The following TC2N variants were observed in gnomAD, a reference collection of about 807,000 sequenced individuals.
The protein encoded by TC2N is tandem C2 domains nuclear protein.
Under a neutral mutation model 61.9 loss-of-function variants are expected in TC2N, and 51 were observed. That is an observed-to-expected ratio of 0.82 (90% CI 0.66 to 1.04). The LOEUF is 1.04. Ranked by LOEUF, TC2N falls within the 50% of genes least tolerant of loss-of-function variation. TC2N has a pLI of 0.00. For missense variants in TC2N, 556 were observed against 566.7 expected, an observed-to-expected ratio of 0.98 and a Z score of 0.19; for synonymous variants, 204 against 192.6, an observed-to-expected ratio of 1.06 and a Z score of -0.49.
chr14:91,857,493 T>C (rs772508122), intron 1 of TC2N, among the ~76,000 whole-genome samples: 2 of 152,222 alleles, frequency 1.3e-5, no homozygotes, highest in Non-Finnish European at 2.9e-5. Context: ...GGGCACCTGC[T>C]GCTTTCTCAG....
At chr14:91,790,379 C>T (rs1885588478) in intron 9 of TC2N, among the ~76,000 whole-genome samples, 1 of 152,066 alleles carries the variant, frequency 6.6e-6, no homozygotes, top group Non-Finnish European at 1.5e-5. Context: ...TATTTATTTT[C>T]CTCTTCAACA....
intron 1 of TC2N, among the ~76,000 whole-genome samples, chr14:91,841,192 A>G (rs941254961): frequency 2.6e-5 from 4 of 152,216 alleles, no homozygotes; most frequent in African/African-American, 9.6e-5. Flanking sequence ...AGAGGATGAC[A>G]GCACATGAAA....
chr14:91,847,068 G>A (rs139221987), intron 1 of TC2N, among the ~76,000 whole-genome samples: 313 of 152,254 alleles, frequency 2.1e-3, no homozygotes, highest in Non-Finnish European at 3.6e-3. Flanking sequence ...GACCAGCCTG[G>A]CCAACGTGGT....
chr14:91,805,423 C>T (rs952675625), intron 3 of TC2N, among the ~76,000 whole-genome samples: 3 of 152,240 alleles, frequency 2.0e-5, no homozygotes, highest in Non-Finnish European at 2.9e-5. Flanking sequence ...AATCCCAGCA[C>T]TTTGAAAGGG....
chr14:91,847,417 T>G (rs1357259835), intron 1 of TC2N, among the ~76,000 whole-genome samples: 2 of 152,218 alleles, frequency 1.3e-5, no homozygotes, highest in South Asian at 4.1e-4. Context: ...TTGGAAATGA[T>G]GCTATGTGAT....
Position 91,851,197 on chromosome 14 carries a change from G to A in TC2N, c.-57+16065C>T, listed in dbSNP as rs185850165. 1.4e-3 allele frequency among the ~76,000 whole-genome samples: 213 copies of A among 152,298 alleles called. 4 individuals are homozygous for A. The highest frequency in any genetic ancestry group is 4.4e-3 in the African/African-American group (181 of 41,558). On this transcript the variant is annotated intron_variant, in intron 1 of 11. Coordinates refer to ENST00000435962, the MANE Select transcript of TC2N (RefSeq NM_001128596.3). ...AATTGTCTTCCACGAAACTGGTCCT[G>A]CTGCAAAAAGATTGGGGACCACTGT...
chr14:91,839,195 A>G (rs1053990246), intron 1 of TC2N, among the ~76,000 whole-genome samples: 1 of 152,156 alleles, frequency 6.6e-6, no homozygotes, highest in Non-Finnish European at 1.5e-5. Flanking sequence ...CTCCAGCCTT[A>G]TCTCCCAGTA....
At chr14:91,789,875 C>T (rs1363724338) in intron 9 of TC2N, among the ~76,000 whole-genome samples, 2 of 152,052 alleles carry the variant, frequency 1.3e-5, no homozygotes, top group East Asian at 1.9e-4. Flanking sequence ...GAAAAGAAAA[C>T]ATTGTTAGCC....
intron 1 of TC2N, among the ~76,000 whole-genome samples, chr14:91,859,274 G>A (rs1888544753): frequency 6.6e-6 from 1 of 152,074 alleles, no homozygotes; most frequent in Non-Finnish European, 1.5e-5. Context: ...TTAACTGTAT[G>A]TAAATCTTAC....
Position 91,782,982 on chromosome 14 carries a change from T to C in TC2N, c.*118A>G. 1 of 653,770 alleles carries C rather than the reference T, an allele frequency of 1.5e-6. No individual in the cohort carries two copies. Among genetic ancestry groups the C allele is most frequent in the East Asian group, 2.7e-5 (1 of 37,732 alleles). 40.5% of individuals were successfully genotyped at this position (653,770 alleles called of 1,614,324 possible). ...CTATCAGATACATTATATACCATAA[T>C]TATAGCCCCCATAAATTGACAAATT... is the stretch of plus-strand genomic sequence containing the variant. On this transcript the variant is annotated 3_prime_UTR_variant, in exon 12 of 12. Transcript: ENST00000435962.
At chr14:91,844,105 G>A (rs1888217763) in intron 1 of TC2N, among the ~76,000 whole-genome samples, 1 of 152,172 alleles carries the variant, frequency 6.6e-6, no homozygotes, top group African/African-American at 2.4e-5. Context: ...GCTCCATAAA[G>A]TGGCTTTTAA....
rs188393390 is a variant in TC2N at position 91,821,471 on chromosome 14, C to G, written c.-56-7646G>C. 3.8e-4 allele frequency among the ~76,000 whole-genome samples: 57 copies of G among 151,936 alleles called. 1 individual carries two copies. In the East Asian group the frequency reaches 9.7e-3, roughly 26 times the overall value. ...TCCCACAAAAAAAAAAATTGGATCC[C>G]TGCCTCCCACCATATACAAAAACTA... On this transcript the variant is annotated intron_variant, in intron 1 of 11. Transcript: ENST00000435962.
chr14:91,832,183 G>A lies in TC2N; in HGVS notation c.-56-18358C>T, dbSNP rs564160256. 1.2e-4 allele frequency among the ~76,000 whole-genome samples: 18 copies of A among 152,252 alleles called. 1 individual carries two copies. In the East Asian group the frequency reaches 3.3e-3, roughly 28 times the overall value. ...GCAGGTGGATCACCTGAGGTCAGGA[G>A]TTCGAGACCAGCCTGGCCAACATGG... On this transcript the variant is annotated intron_variant, in intron 1 of 11. Transcript: ENST00000435962.
intron 1 of TC2N, among the ~76,000 whole-genome samples, chr14:91,820,756 G>C (rs1192241679): frequency 1.3e-5 from 2 of 150,242 alleles, no homozygotes; most frequent in African/African-American, 4.9e-5. Context: ...AGTTCACTAA[G>C]GTTGCAAGAT....
intron 3 of TC2N, among the ~76,000 whole-genome samples, chr14:91,802,659 G>A (rs148627370): frequency 9.2e-5 from 14 of 151,878 alleles, no homozygotes; most frequent in African/African-American, 3.4e-4. Context: ...ATTTTTCTTT[G>A]CCCCATAGAC....
Position 91,812,201 on chromosome 14 carries a change from AAAGT to A in TC2N, c.301+107_301+110del, listed in dbSNP as rs1886798669. On this transcript the variant is annotated intron_variant, in intron 3 of 11. Transcript: ENST00000435962. ...CTTCTACAGAAAGAGCAAAATATAA[AAAGT>A]AAAATAAAAAAATTTTATATGAATT... 6 of 534,030 alleles carry A rather than the reference AAAGT, an allele frequency of 1.1e-5. No homozygotes were observed. In the East Asian group the frequency reaches 2.1e-4, roughly 18 times the overall value. The allele number at this position is 534,030 out of a possible 1,614,324, so 33.1% of individuals were successfully genotyped here. A position where few individuals can be genotyped will look rare whatever the true frequency, so the allele number is the denominator to read the frequency against.
intron 1 of TC2N, among the ~76,000 whole-genome samples, chr14:91,834,953 A>G (rs1887940325): frequency 6.6e-6 from 1 of 152,204 alleles, no homozygotes. Flanking sequence ...TGTAAGTCTG[A>G]TCTTGACTTC....
At chr14:91,862,417 A>G (rs1278044817) in intron 1 of TC2N, among the ~76,000 whole-genome samples, 1 of 152,074 alleles carries the variant, frequency 6.6e-6, no homozygotes, top group Non-Finnish European at 1.5e-5. Context: ...GAAGAGGAAG[A>G]GAAAGAGAAT....
intron 1 of TC2N, among the ~76,000 whole-genome samples, chr14:91,849,413 G>C (rs1248815151): frequency 4.6e-5 from 7 of 152,208 alleles, no homozygotes; most frequent in Non-Finnish European, 1.0e-4. Flanking sequence ...AGACAGTGAA[G>C]TTGATGTGCT....
Sources: allele counts gnomAD v4.1 joint callset (sites outside exome capture counted in the v4.1 genomes callset), GRCh38; gene constraint gnomAD v4.1.1; transcripts MANE v1.5; gene names NCBI Gene and HGNC (gene_info 2026-07-23, HGNC 2026-07-21).